Variants in KCNIP4 observed in about 807,000 individuals in gnomAD.
KCNIP4 encodes the protein potassium voltage-gated channel interacting protein 4, also known as Kv channel-interacting protein 4.
A neutral mutation model predicts 34.0 loss-of-function variants in KCNIP4; 12 were observed. The observed-to-expected ratio is 0.35, with a 90% CI of 0.23 to 0.57. KCNIP4 has a LOEUF of 0.57. Among genes scored for constraint, KCNIP4 ranks in the 20% least tolerant of loss-of-function variants. KCNIP4 has a pLI of 0.83. For synonymous variants in KCNIP4, 124 were observed against 102.2 expected (o/e 1.21, Z -1.29); for missense variants, 238 against 311.7 (o/e 0.76, Z 1.78).
chr4:21,351,002 T>A (rs958901700), intron 1 of KCNIP4, among the ~76,000 whole-genome samples: 2 of 152,136 alleles, frequency 1.3e-5, no homozygotes, highest in African/African-American at 4.8e-5. Flanking sequence ...ATTTAAAGGA[T>A]TTTCAAATAT....
chr4:21,455,466 T>C (rs1011110300), intron 1 of KCNIP4, among the ~76,000 whole-genome samples: 33 of 152,104 alleles, frequency 2.2e-4, no homozygotes, highest in African/African-American at 7.2e-4. Context: ...TTGGTTGTGA[T>C]AGAAAACAAC....
chr4:21,006,346 C>T (rs529187627), intron 1 of KCNIP4, among the ~76,000 whole-genome samples: 1 of 152,290 alleles, frequency 6.6e-6, no homozygotes, highest in East Asian at 1.9e-4. Context: ...TCTTGCTGTC[C>T]TCTTCCAAGA....
intron 1 of KCNIP4, among the ~76,000 whole-genome samples, chr4:21,184,543 G>A (rs976081145): frequency 6.6e-6 from 1 of 152,046 alleles, no homozygotes; most frequent in Non-Finnish European, 1.5e-5. Context: ...GAGATGGGAG[G>A]GGTTGTTAGC....
chr4:21,363,556 A>G (rs1346152808), intron 1 of KCNIP4, among the ~76,000 whole-genome samples: 2 of 152,192 alleles, frequency 1.3e-5, no homozygotes, highest in Non-Finnish European at 2.9e-5. Context: ...CTTACAAACT[A>G]CATAGCTCTT....
chr4:21,049,119 T>A (rs1174278687), intron 1 of KCNIP4, among the ~76,000 whole-genome samples: 2 of 150,712 alleles, frequency 1.3e-5, no homozygotes, highest in African/African-American at 4.9e-5. Context: ...CCCGGCTAAT[T>A]TTTTGTATTT....
chr4:21,694,356 C>G (rs1357224124), intron 1 of KCNIP4, among the ~76,000 whole-genome samples: 1 of 152,072 alleles, frequency 6.6e-6, no homozygotes, highest in Non-Finnish European at 1.5e-5. Context: ...GAAAATTGAT[C>G]CTACAGTGAA....
intron 1 of KCNIP4, among the ~76,000 whole-genome samples, chr4:21,399,141 C>T (rs1239146105): frequency 6.6e-6 from 1 of 152,200 alleles, no homozygotes; most frequent in Non-Finnish European, 1.5e-5. Flanking sequence ...ACTACTGTCC[C>T]ACCACAAGCC....
chr4:21,800,360 AT>A (rs557821537), intron 1 of KCNIP4, among the ~76,000 whole-genome samples: 8 of 152,162 alleles, frequency 5.3e-5, no homozygotes, highest in Non-Finnish European at 8.8e-5. Flanking sequence ...TTGCTTTCTT[AT>A]TAGATTTGGT....
At chr4:21,746,171 T>C (rs942044372) in intron 1 of KCNIP4, among the ~76,000 whole-genome samples, 18 of 152,216 alleles carry the variant, frequency 1.2e-4, no homozygotes, top group African/African-American at 4.1e-4. Context: ...GGCCCATCCA[T>C]AGAACCTCAT....
chr4:21,944,925 A>T (rs369328805), intron 1 of KCNIP4, among the ~76,000 whole-genome samples: 1 of 152,306 alleles, frequency 6.6e-6, no homozygotes, highest in East Asian at 1.9e-4. Context: ...TAATTTTGAA[A>T]GATTTTTCAG....
At chr4:20,907,609 G>C (rs1727898193) in intron 1 of KCNIP4, among the ~76,000 whole-genome samples, 1 of 152,144 alleles carries the variant, frequency 6.6e-6, no homozygotes, top group South Asian at 2.1e-4. Flanking sequence ...TTGTTAAAAA[G>C]CACATTCATT....
At chr4:21,056,555 T>G (rs1350258064) in intron 1 of KCNIP4, among the ~76,000 whole-genome samples, 1 of 152,184 alleles carries the variant, frequency 6.6e-6, no homozygotes, top group Non-Finnish European at 1.5e-5. Context: ...ATGCATTCAT[T>G]CATTTGCCCT....
chr4:20,821,758 T>C (rs1464951158), intron 3 of KCNIP4, among the ~76,000 whole-genome samples: 2 of 152,212 alleles, frequency 1.3e-5, no homozygotes, highest in Non-Finnish European at 2.9e-5. Flanking sequence ...CTGAGTTACT[T>C]TACCTAGAAA....
intron 4 of KCNIP4, among the ~76,000 whole-genome samples, chr4:20,757,376 A>G (rs531639812): frequency 6.6e-6 from 1 of 152,250 alleles, no homozygotes; most frequent in African/African-American, 2.4e-5. Flanking sequence ...CCACTGACCT[A>G]TCAGTGAAAT....
chr4:21,151,405 A>ATTTTTTTT lies in KCNIP4; in HGVS notation c.62-268697_62-268696insAAAAAAAA, dbSNP rs1491541435. Among the ~76,000 whole-genome samples the ATTTTTTTT allele has an allele frequency of 4.7e-4, 44 of 93,516 alleles. 5 individuals are homozygous for ATTTTTTTT. The highest frequency in any genetic ancestry group is 1.7e-3 in the African/African-American group (41 of 24,724). 61.4% of individuals were successfully genotyped at this position (93,516 alleles called of 152,430 possible). A position where few individuals can be genotyped will look rare whatever the true frequency, so the allele number is the denominator to read the frequency against. ...AGAATGGATGTCTTCAACAAAAGAC[A>ATTTTTTTT]ATTTTTTTTTTTTTTTTTTTTTTTT... On this transcript the variant is annotated intron_variant, in intron 1 of 8. Coordinates refer to ENST00000382152, the MANE Select transcript of KCNIP4 (RefSeq NM_025221.6).
chr4:21,230,698 CCTTTTTATGG>C (rs958787770), intron 1 of KCNIP4, among the ~76,000 whole-genome samples: 22 of 152,102 alleles, frequency 1.4e-4, no homozygotes, highest in African/African-American at 5.3e-4. Flanking sequence ...ACATCTCATT[CCTTTTTATGG>C]CTGCATAGTA....
rs1720903144 is a variant in KCNIP4 at position 20,850,561 on chromosome 4, A to G, written c.270T>C (p.Leu90=). 6.2e-7 allele frequency: 1 copy of G among 1,612,874 alleles called. No individual in the cohort carries two copies. The highest frequency in any genetic ancestry group is 8.5e-7 in the Non-Finnish European group (1 of 1,179,704). Residue 90 remains leucine, a synonymous_variant, in exon 3 of 9, where the codon CTT becomes CTC. Coordinates refer to ENST00000382152, the MANE Select transcript of KCNIP4 (RefSeq NM_025221.6). The part of the protein sequence containing the change: ...SKFTKKELQI[L]YRGFKNECPS... ...TTCTTACATTCTTAAATCCTCTGTA[A>G]AGGATCTGAAGCTCTTTCTTGGTAA...
At chr4:21,060,528 C>T (rs1743819073) in intron 1 of KCNIP4, among the ~76,000 whole-genome samples, 1 of 152,160 alleles carries the variant, frequency 6.6e-6, no homozygotes, top group African/African-American at 2.4e-5. Flanking sequence ...TTCACAAACA[C>T]CTGTGCTTCC....
intron 1 of KCNIP4, among the ~76,000 whole-genome samples, chr4:21,889,197 C>A (rs1014067704): frequency 5.3e-5 from 8 of 152,008 alleles, no homozygotes; most frequent in African/African-American, 1.9e-4. Context: ...TTTGCTTTTC[C>A]ATGGGTCAAT....
Sources: allele counts gnomAD v4.1 joint callset (sites outside exome capture counted in the v4.1 genomes callset), GRCh38; gene constraint gnomAD v4.1.1; transcripts MANE v1.5; gene names NCBI Gene and HGNC (gene_info 2026-07-23, HGNC 2026-07-21).